FAM171B: variants seen among roughly 807,000 people sequenced by gnomAD.
FAM171B encodes protein FAM171B.
In FAM171B, 19 loss-of-function variants were observed where a neutral mutation model predicts 75.6. The ratio of observed to expected loss-of-function variants is 0.25; its 90% CI spans 0.18 to 0.37. The LOEUF is 0.37. FAM171B is among the 10% of genes least tolerant of loss of function. The pLI, the probability that FAM171B is intolerant of heterozygous loss-of-function variation, is 1.00. For missense variants in FAM171B, 848 were observed against 982.4 expected (o/e 0.86, Z 1.83); for synonymous variants, 367 against 361.7 (o/e 1.01, Z -0.17).
At chr2:186,699,477 G>A (rs1366040996) in intron 1 of FAM171B, among the ~76,000 whole-genome samples, 1 of 151,930 alleles carries the variant, frequency 6.6e-6, no homozygotes, top group Non-Finnish European at 1.5e-5. Context: ...AGGATTATTG[G>A]GTTTTTTTGC....
Position 186,762,667 on chromosome 2 carries a change from T to C in FAM171B, c.2325T>C (p.Pro775=). ...DGGSGVIMEH[P]GEESPGRKST... ...GGAGTGGAGTGATCATGGAGCACCC[T>C]GGAGAAGAGTCGCCAGGAAGGAAAA... is the stretch of plus-strand genomic sequence containing the variant. Residue 775 remains proline (P), a synonymous_variant, in exon 8 of 8, where the codon CCT becomes CCC. Coordinates refer to ENST00000304698, the MANE Select transcript of FAM171B (RefSeq NM_177454.4). This position sits in a 1 kb window ranked among gnomAD's most constrained non-coding sequence, Gnocchi z 4.0. 1.9e-6 allele frequency: 3 copies of C among 1,612,510 alleles called. No homozygotes were observed. Among genetic ancestry groups the C allele is most frequent in the Non-Finnish European group, 2.5e-6 (3 of 1,179,532 alleles).
intron 1 of FAM171B, among the ~76,000 whole-genome samples, chr2:186,700,099 CT>C (rs1689636007): frequency 6.6e-6 from 1 of 150,952 alleles, no homozygotes; most frequent in African/African-American, 2.4e-5. Context: ...CTCAGGGTGG[CT>C]TTGGCTATTT....
chr2:186,732,636 G>T lies in FAM171B; in HGVS notation c.239-7592G>T, dbSNP rs1032874228. ...TGCACGGTTTGATTTTTGACTTGGG[G>T]TCTTATGTGTTGGCAGCTTCCAGGG... On this transcript the variant is annotated intron_variant, in intron 1 of 7. Transcript: ENST00000304698. Among the ~76,000 whole-genome samples, 11 of 152,336 alleles carry T rather than the reference G, an allele frequency of 7.2e-5. No homozygotes were observed. The East Asian group carries it at 2.1e-3, about 29-fold the overall frequency.
chr2:186,720,005 GCAGTATAAT>G (rs2105778371), intron 1 of FAM171B, among the ~76,000 whole-genome samples: 1 of 152,318 alleles, frequency 6.6e-6, no homozygotes, highest in South Asian at 2.1e-4. Flanking sequence ...TTGTGTGTTT[GCAGTATAAT>G]CTTAACTGAA....
At chr2:186,716,890 G>A (rs1295637911) in intron 1 of FAM171B, among the ~76,000 whole-genome samples, 5 of 152,126 alleles carry the variant, frequency 3.3e-5, no homozygotes, top group African/African-American at 1.2e-4. Flanking sequence ...TAATACTTCA[G>A]GACCAGTTAC....
intron 1 of FAM171B, among the ~76,000 whole-genome samples, chr2:186,734,248 G>T (rs756353454): frequency 3.9e-5 from 6 of 152,104 alleles, no homozygotes; most frequent in Non-Finnish European, 8.8e-5. Flanking sequence ...GACCTAGAGT[G>T]GGTAGCTCCT....
rs1333833353 is a variant in FAM171B, at chr2:186,765,533, TGAG to T, written c.*2713_*2715del. The T allele has an allele frequency of 2.6e-5, 4 of 152,080 alleles. No homozygotes were observed. The highest frequency in any genetic ancestry group is 5.9e-5 in the Non-Finnish European group (4 of 67,956). The allele number at this position is 152,080 out of a possible 1,614,324, so 9.4% of individuals were successfully genotyped here. On this transcript the variant is annotated 3_prime_UTR_variant, in exon 8 of 8. Coordinates refer to ENST00000304698, the MANE Select transcript of FAM171B (RefSeq NM_177454.4). ...AATATACCACAGAGATTACAAATGT[TGAG>T]GAATGAAAGCACTTCTTTGCTTTGG... is the stretch of plus-strand genomic sequence containing the variant.
chr2:186,761,733 A>G lies in FAM171B; in HGVS notation c.1391A>G (p.Asn464Ser). The change falls in exon 8 of 8, where the codon AAT becomes AGT. Residue 464 changes from asparagine (N) to serine (S), a missense_variant. Around this residue, in one of 3 missense-constraint regions of FAM171B, gnomAD observed 665 missense variants for 729.0 expected, o/e 0.91. Transcript: ENST00000304698. Reference sequence around the variant, plus strand: ...ACTCGGGACGATTTTAAAATCTACAATGAAGATGTTTCATTTCTATCAGTC... The same window carrying G: ...ACTCGGGACGATTTTAAAATCTACAGTGAAGATGTTTCATTTCTATCAGTC... The part of the protein sequence containing the change: ...VKTRDDFKIY[N>S]EDVSFLSVNQ... 3.1e-6 allele frequency: 5 copies of G among 1,613,522 alleles called. No homozygotes were observed. The highest frequency in any genetic ancestry group is 1.7e-5 in the Admixed American group (1 of 59,894).
Position 186,761,583 on chromosome 2 carries a change from C to G in FAM171B, c.1241C>G (p.Thr414Arg). The G allele has an allele frequency of 6.2e-7, 1 of 1,613,242 alleles. No individual in the cohort carries two copies. Among genetic ancestry groups the G allele is most frequent in the Non-Finnish European group, 8.5e-7 (1 of 1,179,574 alleles). Residue 414 changes from threonine (T) to arginine (R), a missense_variant, in exon 8 of 8, where the codon ACA becomes AGA. This residue lies in a region of FAM171B where 665 missense variants were observed against 729.0 expected (regional missense o/e 0.91). Coordinates refer to ENST00000304698, the MANE Select transcript of FAM171B (RefSeq NM_177454.4). ...TSTTHINHIS[T>R]VKVALKAEDK... ...ACAACACACATAAATCATATCAGTA[C>G]AGTTAAAGTTGCATTAAAAGCTGAG...
chr2:186,722,637 A>G (rs1689972526), intron 1 of FAM171B, among the ~76,000 whole-genome samples: 1 of 152,194 alleles, frequency 6.6e-6, no homozygotes, highest in South Asian at 2.1e-4. Context: ...TCTCTGCTGC[A>G]GGATAGAGAG....
intron 1 of FAM171B, among the ~76,000 whole-genome samples, chr2:186,709,335 G>A (rs920734913): frequency 6.6e-6 from 1 of 152,010 alleles, no homozygotes; most frequent in Non-Finnish European, 1.5e-5. Flanking sequence ...CCTATTTTTA[G>A]GGCTTATCAT....
At chr2:186,749,478 G>C (rs1321790728) in intron 4 of FAM171B, among the ~76,000 whole-genome samples, 2 of 152,120 alleles carry the variant, frequency 1.3e-5, no homozygotes, top group African/African-American at 4.8e-5. Context: ...GCAGTGGATG[G>C]CTTACAAGCA....
At chr2:186,724,352 C>T (rs890325489) in intron 1 of FAM171B, among the ~76,000 whole-genome samples, 1 of 152,144 alleles carries the variant, frequency 6.6e-6, no homozygotes, top group Non-Finnish European at 1.5e-5. Flanking sequence ...GTTTTTGCTG[C>T]CCTGGCTAGT....
chr2:186,757,112 C>T (rs1690544002), intron 6 of FAM171B, among the ~76,000 whole-genome samples: 1 of 152,118 alleles, frequency 6.6e-6, no homozygotes. Context: ...CAATTATTAA[C>T]TTAATCTCCA....
chr2:186,754,896 G>A (rs1015332895), intron 6 of FAM171B, among the ~76,000 whole-genome samples: 9 of 152,118 alleles, frequency 5.9e-5, no homozygotes, highest in African/African-American at 2.2e-4. Flanking sequence ...GCAGCCAAAA[G>A]ATTGGACACC....
chr2:186,739,414 A>C (rs1690253576), intron 1 of FAM171B, among the ~76,000 whole-genome samples: 1 of 152,216 alleles, frequency 6.6e-6, no homozygotes, highest in African/African-American at 2.4e-5. Context: ...AGCTTAAAAG[A>C]AACACATTGT....
intron 1 of FAM171B, among the ~76,000 whole-genome samples, chr2:186,738,662 A>C (rs1559088877): frequency 6.6e-6 from 1 of 152,160 alleles, no homozygotes. Flanking sequence ...ACTGAAAGGG[A>C]ACCCATTTTT....
chr2:186,750,743 A>C (rs1690441076), intron 4 of FAM171B, among the ~76,000 whole-genome samples: 2 of 152,164 alleles, frequency 1.3e-5, no homozygotes, highest in African/African-American at 4.8e-5. Context: ...GTCTTGGAAA[A>C]GAGAGGGTGA....
intron 4 of FAM171B, among the ~76,000 whole-genome samples, chr2:186,749,155 C>T (rs1483404168): frequency 6.6e-6 from 1 of 152,214 alleles, no homozygotes; most frequent in Non-Finnish European, 1.5e-5. Context: ...TAAATAGCCA[C>T]ATGCAGTTAG....
Sources: gnomAD v4.1 joint callset for allele counts (sites outside exome capture counted in the v4.1 genomes callset) on GRCh38, gnomAD v4.1.1 for gene constraint, gnomAD v4.1.1 regional missense constraint, Gnocchi (gnomAD v3.1) non-coding constraint, MANE v1.5 for transcripts, NCBI Gene and HGNC (gene_info 2026-07-23, HGNC 2026-07-21) for gene names.